The following UBL3 variants were observed in gnomAD, a reference collection of about 807,000 sequenced individuals.
The protein encoded by UBL3 is ubiquitin-like protein 3.
A neutral mutation model predicts 18.4 loss-of-function variants in UBL3; 6 were observed. That is an observed-to-expected ratio of 0.33 (90% CI 0.18 to 0.64). The LOEUF (loss-of-function observed/expected upper bound fraction) is 0.64, where lower values mean the gene tolerates loss of function less well. UBL3 is among the 30% of genes least tolerant of loss of function. The pLI is 0.76. For missense variants in UBL3, 109 were observed against 142.9 expected, an observed-to-expected ratio of 0.76 and a Z score of 1.21; for synonymous variants, 49 against 46.6, an observed-to-expected ratio of 1.05 and a Z score of -0.21.
intron 1 of UBL3, among the ~76,000 whole-genome samples, chr13:29,845,783 A>T (rs1465889780): frequency 6.6e-6 from 1 of 152,128 alleles, no homozygotes; most frequent in Non-Finnish European, 1.5e-5. Context: ...TTTACATTAC[A>T]GTTGTTAAAG....
chr13:29,782,530 G>T (rs1350387634), intron 1 of UBL3, among the ~76,000 whole-genome samples: 1 of 152,086 alleles, frequency 6.6e-6, no homozygotes, highest in Non-Finnish European at 1.5e-5. Context: ...TTATAGGTGG[G>T]TATGAATCTT....
intron 1 of UBL3, among the ~76,000 whole-genome samples, chr13:29,784,149 T>A (rs1301178913): frequency 1.3e-5 from 2 of 152,182 alleles, no homozygotes; most frequent in African/African-American, 4.8e-5. Flanking sequence ...TTAGATAGTA[T>A]CAATTTGGGG....
intron 1 of UBL3, among the ~76,000 whole-genome samples, chr13:29,808,241 T>G (rs1460560436): frequency 6.6e-6 from 1 of 152,200 alleles, no homozygotes; most frequent in Non-Finnish European, 1.5e-5. Context: ...GTATCAAATT[T>G]ATAAAAAGGT....
chr13:29,796,644 A>G (rs1423910553), intron 1 of UBL3, among the ~76,000 whole-genome samples: 1 of 152,246 alleles, frequency 6.6e-6, no homozygotes, highest in Non-Finnish European at 1.5e-5. Context: ...TAAGCACATG[A>G]AAAGATGCTC....
chr13:29,817,069 C>T (rs1878301507), intron 1 of UBL3, among the ~76,000 whole-genome samples: 2 of 152,184 alleles, frequency 1.3e-5, no homozygotes, highest in Non-Finnish European at 2.9e-5. Flanking sequence ...TATTCCTGGA[C>T]ATTTTGTACT....
intron 1 of UBL3, among the ~76,000 whole-genome samples, chr13:29,796,568 T>C (rs1203478774): frequency 2.6e-5 from 4 of 152,172 alleles, no homozygotes; most frequent in African/African-American, 9.7e-5. Flanking sequence ...TAAGCATTTC[T>C]CCTAAAAATC....
rs1878888607 is a variant in UBL3, at chr13:29,835,091, TATATATATATATATAA to T, written c.27+14405_27+14420del. Among the ~76,000 whole-genome samples, 34 of 20,924 alleles carry T rather than the reference TATATATATATATATAA, an allele frequency of 1.6e-3. 3 individuals are homozygous for T. The highest frequency in any genetic ancestry group is 7.8e-3 in the African/African-American group (20 of 2,574). 13.7% of individuals were successfully genotyped at this position (20,924 alleles called of 152,430 possible). Reference sequence around the variant, plus strand: ...AGCAAATAAAATATATAAATATAAATATATATATATATATAAATATATATATATATATAAATATATA... The same window carrying T: ...AGCAAATAAAATATATAAATATAAATATATATATATATATATAAATATATA... On this transcript the variant is annotated intron_variant, in intron 1 of 4. Transcript: ENST00000380680.
intron 1 of UBL3, among the ~76,000 whole-genome samples, chr13:29,781,714 T>C (rs150748453): frequency 1.3e-5 from 2 of 151,202 alleles, no homozygotes; most frequent in African/African-American, 4.9e-5. Flanking sequence ...CCAGGTGCAG[T>C]AGCTCACGGC....
At chr13:29,786,185 T>G (rs1421825829) in intron 1 of UBL3, among the ~76,000 whole-genome samples, 1 of 152,182 alleles carries the variant, frequency 6.6e-6, no homozygotes, top group Non-Finnish European at 1.5e-5. Flanking sequence ...ATCACTCTAC[T>G]AAAGACCAAC....
At chr13:29,799,813 C>A (rs1001650405) in intron 1 of UBL3, among the ~76,000 whole-genome samples, 4 of 152,012 alleles carry the variant, frequency 2.6e-5, no homozygotes, top group African/African-American at 9.7e-5. Context: ...TTGGCTTTTT[C>A]TTTTAAGCCT....
rs1428776145 is a variant in UBL3 at position 29,767,291 on chromosome 13, C to A, written c.318G>T (p.Glu106Asp). Residue 106 changes from glutamate (E) to aspartate (D), a missense_variant, in exon 5 of 5, where the codon GAG (glutamate) becomes GAT (aspartate). Glu to Asp is a conservative substitution (Grantham distance 45). Transcript: ENST00000380680. Reference protein sequence around the residue: ...EPNSQGQRNREKTGESNCCVI... With the variant: ...EPNSQGQRNRDKTGESNCCVI... The stretch of plus-strand genomic sequence containing the variant: ...CACAACAATTACTCTCTCCAGTCTT[C>A]TCACGATTCCTCTGACCTAGGGAAA... 1 of 1,613,218 alleles carries A rather than the reference C, an allele frequency of 6.2e-7. No homozygotes were observed. Among genetic ancestry groups the A allele is most frequent in the Admixed American group, 1.7e-5 (1 of 59,932 alleles).
chr13:29,848,701 A>G (rs1879289994), intron 1 of UBL3, among the ~76,000 whole-genome samples: 1 of 152,162 alleles, frequency 6.6e-6, no homozygotes, highest in East Asian at 1.9e-4. Flanking sequence ...GCCCAGCCCC[A>G]GCACTGTAAG....
intron 1 of UBL3, among the ~76,000 whole-genome samples, chr13:29,813,099 G>A (rs1878150174): frequency 6.6e-6 from 1 of 151,842 alleles, no homozygotes; most frequent in Non-Finnish European, 1.5e-5. Context: ...TCCTTTATAA[G>A]GGCCTATGTA....
intron 1 of UBL3, among the ~76,000 whole-genome samples, chr13:29,820,970 G>A (rs928869183): frequency 2.0e-5 from 3 of 152,146 alleles, no homozygotes; most frequent in Admixed American, 1.3e-4. Context: ...TTGAATCCTG[G>A]CTCCACCAGT....
chr13:29,815,412 A>G (rs1878243778), intron 1 of UBL3, among the ~76,000 whole-genome samples: 1 of 152,190 alleles, frequency 6.6e-6, no homozygotes, highest in Admixed American at 6.6e-5. Context: ...TGAATTACCC[A>G]CCTACCATAG....
chr13:29,814,317 C>T (rs555382665), intron 1 of UBL3, among the ~76,000 whole-genome samples: 11 of 152,028 alleles, frequency 7.2e-5, no homozygotes, highest in Non-Finnish European at 1.3e-4. Context: ...AGCTTACAGA[C>T]GTTCTCAAGG....
intron 1 of UBL3, among the ~76,000 whole-genome samples, chr13:29,820,704 C>T (rs1428570201): frequency 1.3e-5 from 2 of 152,162 alleles, no homozygotes; most frequent in African/African-American, 4.8e-5. Context: ...CTTAAATCAA[C>T]ATATTAGGTT....
At chr13:29,778,600 C>T (rs1326604219) in intron 1 of UBL3, among the ~76,000 whole-genome samples, 1 of 152,070 alleles carries the variant, frequency 6.6e-6, no homozygotes, top group East Asian at 1.9e-4. Context: ...TTTTTAGTTA[C>T]TAATTTTTTT....
chr13:29,823,921 T>C lies in UBL3; in HGVS notation c.27+25591A>G, dbSNP rs374670267. On this transcript the variant is annotated intron_variant, in intron 1 of 4. Coordinates refer to ENST00000380680, the MANE Select transcript of UBL3 (RefSeq NM_007106.4). ...CCCTTCCTGTGTTCAAGTGTTCTCA[T>C]TGTTCAATTCCCACCTATGAGTGAG... Among the ~76,000 whole-genome samples, 25 of 144,586 alleles carry C rather than the reference T, an allele frequency of 1.7e-4. No individual in the cohort carries two copies. In the East Asian group the frequency reaches 3.1e-3, roughly 18 times the overall value. 94.9% of individuals were successfully genotyped at this position (144,586 alleles called of 152,430 possible).
Sources: gnomAD v4.1 joint callset for allele counts (sites outside exome capture counted in the v4.1 genomes callset) on GRCh38, gnomAD v4.1.1 for gene constraint, MANE v1.5 for transcripts, NCBI Gene and HGNC (gene_info 2026-07-23, HGNC 2026-07-21) for gene names.